SOX5: variants seen among roughly 807,000 people sequenced by gnomAD.
SOX5 encodes the protein SRY-box transcription factor 5, also known as transcription factor SOX-5.
SOX5 carries 9 observed loss-of-function variants against 92.0 expected under a neutral mutation model. The observed-to-expected ratio is 0.10, with a 90% CI of 0.06 to 0.17. The LOEUF is 0.17. Among genes scored for constraint, SOX5 ranks in the 10% least tolerant of loss-of-function variants. The pLI is 1.00. For synonymous variants in SOX5, 344 were observed against 336.3 expected (o/e 1.02, Z -0.25); for missense variants, 642 against 944.5 (o/e 0.68, Z 4.20).
At chr12:23,767,932 A>G (rs2094793687) in intron 3 of SOX5, among the ~76,000 whole-genome samples, 1 of 152,218 alleles carries the variant, frequency 6.6e-6, no homozygotes, top group African/African-American at 2.4e-5. Context: ...TTAATGTATG[A>G]TATTTACATA....
chr12:23,669,453 T>C (rs370532855), intron 6 of SOX5, among the ~76,000 whole-genome samples: 1 of 152,042 alleles, frequency 6.6e-6, no homozygotes, highest in African/African-American at 2.4e-5. Context: ...AATCAGTCTA[T>C]GCATCAGGGT....
intron 2 of SOX5, among the ~76,000 whole-genome samples, chr12:23,867,665 C>G (rs2096829118): frequency 6.6e-6 from 1 of 151,826 alleles, no homozygotes; most frequent in South Asian, 2.1e-4. Flanking sequence ...TGTACTACTG[C>G]CTGACACTGA....
intron 1 of SOX5, among the ~76,000 whole-genome samples, chr12:24,472,884 AC>A (rs1944958518): frequency 6.6e-6 from 1 of 152,106 alleles, no homozygotes; most frequent in African/African-American, 2.4e-5. Context: ...CTATTGTGTT[AC>A]CTGTGGTGAT....
chr12:23,845,402 A>G (rs555920104), intron 3 of SOX5, among the ~76,000 whole-genome samples: 1 of 152,314 alleles, frequency 6.6e-6, no homozygotes, highest in Admixed American at 6.5e-5. Flanking sequence ...CCATTTGCCT[A>G]TCACCTGAAG....
chr12:23,745,205 G>T (rs1160784713), intron 4 of SOX5, among the ~76,000 whole-genome samples: 1 of 152,084 alleles, frequency 6.6e-6, no homozygotes, highest in Non-Finnish European at 1.5e-5. Flanking sequence ...AAATACTGTT[G>T]TACTGACTTA....
intron 5 of SOX5, among the ~76,000 whole-genome samples, chr12:23,735,733 G>C (rs1216969460): frequency 6.6e-6 from 1 of 152,124 alleles, no homozygotes; most frequent in Non-Finnish European, 1.5e-5. Context: ...CTCCCATATA[G>C]TCATCTTAAG....
chr12:24,012,180 A>T (rs1953023156), intron 4 of SOX5, among the ~76,000 whole-genome samples: 1 of 152,168 alleles, frequency 6.6e-6, no homozygotes, highest in Non-Finnish European at 1.5e-5. Context: ...CAAATGGGTT[A>T]TTTAGCGGAC....
intron 3 of SOX5, among the ~76,000 whole-genome samples, chr12:23,824,133 A>G (rs189184657): frequency 6.6e-6 from 1 of 152,294 alleles, no homozygotes; most frequent in Non-Finnish European, 1.5e-5. Flanking sequence ...CATCAAATTC[A>G]TTCTCCATCC....
chr12:23,799,280 T>C (rs746925767), intron 3 of SOX5, among the ~76,000 whole-genome samples: 4 of 152,076 alleles, frequency 2.6e-5, no homozygotes, highest in Non-Finnish European at 5.9e-5. Context: ...AACAGGGTAA[T>C]AACAAAATCT....
intron 7 of SOX5, among the ~76,000 whole-genome samples, chr12:23,661,629 A>T (rs1235604289): frequency 1.3e-5 from 2 of 152,206 alleles, no homozygotes; most frequent in East Asian, 3.8e-4. Flanking sequence ...TGTCAAAGGC[A>T]TTTATATTTT....
At chr12:24,291,039 G>A (rs952294605) in intron 2 of SOX5, among the ~76,000 whole-genome samples, 2 of 151,982 alleles carry the variant, frequency 1.3e-5, no homozygotes, top group African/African-American at 2.4e-5. Context: ...TCCTCCCTTC[G>A]TATTAGGCAA....
intron 4 of SOX5, among the ~76,000 whole-genome samples, chr12:24,146,914 A>G (rs1187276391): frequency 6.6e-6 from 1 of 152,164 alleles, no homozygotes; most frequent in Non-Finnish European, 1.5e-5. Context: ...GATACAAACT[A>G]TCAATGCTCA....
intron 4 of SOX5, among the ~76,000 whole-genome samples, chr12:24,025,407 G>T (rs899804224): frequency 4.6e-5 from 7 of 152,068 alleles, no homozygotes; most frequent in Admixed American, 2.0e-4. Context: ...TAGAGAGAAA[G>T]AATTGAAAGT....
intron 1 of SOX5, among the ~76,000 whole-genome samples, chr12:24,451,979 G>A (rs1448594466): frequency 6.6e-6 from 1 of 152,218 alleles, no homozygotes. Flanking sequence ...ATCATACAAA[G>A]AGACTTAAGA....
At chr12:24,316,316 G>T (rs1423272821) in intron 2 of SOX5, among the ~76,000 whole-genome samples, 1 of 152,114 alleles carries the variant, frequency 6.6e-6, no homozygotes, top group Non-Finnish European at 1.5e-5. Flanking sequence ...GGGACCAAAG[G>T]AGTTCACCAC....
chr12:23,741,038 C>T lies in SOX5; in HGVS notation c.570G>A (p.Gly190=), dbSNP rs957279798. The T allele has an allele frequency of 8.3e-6, 13 of 1,572,660 alleles. No individual in the cohort carries two copies. In the African/African-American group the frequency reaches 1.1e-4, roughly 13 times the overall value. Residue 190 remains glycine, a splice_region_variant and synonymous_variant, in exon 5 of 15, where the codon GGG becomes GGA. Coordinates refer to ENST00000451604, the MANE Select transcript of SOX5 (RefSeq NM_006940.6). The part of the protein sequence containing the change: ...MGSGNFGEIK[G]TPESLAEKER... Reference sequence around the variant, plus strand: ...CTTTCTCAGCTAAGCTCTCGGGAGTCCCTACAAATCATATAGCAATAAAAC... The same window carrying T: ...CTTTCTCAGCTAAGCTCTCGGGAGTTCCTACAAATCATATAGCAATAAAAC...
intron 2 of SOX5, among the ~76,000 whole-genome samples, chr12:24,333,048 G>A (rs536717111): frequency 1.2e-4 from 18 of 151,948 alleles, no homozygotes; most frequent in East Asian, 1.2e-3. Context: ...ACATCAAAAC[G>A]CGACAATATT....
intron 6 of SOX5, 108 bp downstream of exon 6, chr12:23,734,576 C>T (rs2093516475): frequency 1.2e-6 from 1 of 823,396 alleles, no homozygotes; most frequent in Admixed American, 2.5e-5. Flanking sequence ...CATGAATTAG[C>T]TTGAAAGTCA....
At chr12:24,181,551 TG>T (rs1453802355) in intron 4 of SOX5, among the ~76,000 whole-genome samples, 1 of 152,204 alleles carries the variant, frequency 6.6e-6, no homozygotes, top group Non-Finnish European at 1.5e-5. Context: ...TTGGACTTCT[TG>T]GGTCTCAATT....
Sources: gnomAD v4.1 joint callset for allele counts (sites outside exome capture counted in the v4.1 genomes callset) on GRCh38, gnomAD v4.1.1 for gene constraint, MANE v1.5 for transcripts, NCBI Gene and HGNC (gene_info 2026-07-23, HGNC 2026-07-21) for gene names.